The following CA12 variants were observed in gnomAD, a reference collection of about 807,000 sequenced individuals.
CA12 encodes the protein carbonic anhydrase 12.
In CA12, 36 loss-of-function variants were observed where a neutral mutation model predicts 46.8. That is an observed-to-expected ratio of 0.77 (90% confidence interval 0.59 to 1.02). The LOEUF is 1.02. Ranked by LOEUF, CA12 falls within the 50% of genes least tolerant of loss-of-function variation. The pLI is 0.00. For synonymous variants in CA12, 202 were observed against 187.0 expected, an observed-to-expected ratio of 1.08 and a Z score of -0.65; for missense variants, 436 against 451.4, an observed-to-expected ratio of 0.97 and a Z score of 0.31.
In CA12 at chr15:63,329,929, G is replaced by A. The variant is rs945826183; in HGVS notation, c.875-1799C>T. On this transcript the variant is annotated intron_variant, in intron 8 of 10. Coordinates refer to ENST00000178638, the MANE Select transcript of CA12 (RefSeq NM_001218.5). The surrounding 1 kb of genome is among the most constrained non-coding windows in gnomAD (Gnocchi z 4.8). ...TTTTCTGCAATCTCACATTGAACCT[G>A]CAGAGCCTCCCTGGTCCAAGGCTGG... Among the ~76,000 whole-genome samples, 7 of 152,326 alleles carry A rather than the reference G, an allele frequency of 4.6e-5. No homozygotes were observed. The highest frequency in any genetic ancestry group is 1.7e-4 in the African/African-American group (7 of 41,572).
chr15:63,358,358 C>G (rs1012979525), intron 2 of CA12, among the ~76,000 whole-genome samples: 28 of 152,206 alleles, frequency 1.8e-4, no homozygotes, highest in African/African-American at 6.8e-4. Flanking sequence ...TGATCATGAT[C>G]ATAAAGCCAT....
chr15:63,345,345 GC>G lies in CA12; in HGVS notation c.429+131del, dbSNP rs2039131767. The G allele has an allele frequency of 1.7e-6, 2 of 1,159,718 alleles. No individual in the cohort carries two copies. Among genetic ancestry groups the G allele is most frequent in the Admixed American group, 3.9e-5 (2 of 50,644 alleles). 71.8% of individuals were successfully genotyped at this position (1,159,718 alleles called of 1,614,324 possible). ...GAGTGGCTGCGCCCCTTGTGCCAGGGCCAGAGGTGGGGCAGAGAGCCTGAAG... is the reference window on the plus strand; with the variant it reads ...GAGTGGCTGCGCCCCTTGTGCCAGGGCAGAGGTGGGGCAGAGAGCCTGAAG... On this transcript the variant is annotated intron_variant, in intron 4 of 10. Transcript: ENST00000178638. The surrounding 1 kb of genome is among the most constrained non-coding windows in gnomAD (Gnocchi z 4.3).
chr15:63,377,541 C>G (rs2039593175), intron 1 of CA12, among the ~76,000 whole-genome samples: 1 of 151,886 alleles, frequency 6.6e-6, no homozygotes, highest in Admixed American at 6.6e-5. Context: ...ATTTCTTTGC[C>G]TCAGTGTTTG....
rs3913344 is a variant in CA12 at position 63,372,066 on chromosome 15, C to T, written c.106+3592G>A. 0.028 allele frequency among the ~76,000 whole-genome samples: 4,337 copies of T among 152,250 alleles called. 156 individuals are homozygous for T. Among genetic ancestry groups the T allele is most frequent in the South Asian group, 0.11 (518 of 4,810 alleles). On this transcript the variant is annotated intron_variant, in intron 2 of 10. Transcript: ENST00000178638. The surrounding 1 kb of genome is among the most constrained non-coding windows in gnomAD (Gnocchi z 4.5). ...GCAGCACCCACACCAAGGACCTGAA[C>T]GTGCCCACAACCCTTCCTGCCTCCT...
Position 63,339,054 on chromosome 15 carries a change from G to T in CA12, c.748-109C>A. ...CACCTGGGAGAAGCCTCTGGAACCA[G>T]CTTCTGTGGGGCCGGGTGGGAGATA... On this transcript the variant is annotated intron_variant, in intron 7 of 10. Transcript: ENST00000178638. The surrounding 1 kb of genome is among the most constrained non-coding windows in gnomAD (Gnocchi z 4.3). 1 of 1,363,750 alleles carries T rather than the reference G, an allele frequency of 7.3e-7. No homozygotes were observed. Among genetic ancestry groups the T allele is most frequent in the African/African-American group, 1.4e-5 (1 of 69,886 alleles). The allele number at this position is 1,363,750 out of a possible 1,614,324, so 84.5% of individuals were successfully genotyped here.
chr15:63,376,596 TTCTTTCTC>T (rs919196180), intron 1 of CA12, among the ~76,000 whole-genome samples: 2 of 125,566 alleles, frequency 1.6e-5, no homozygotes, highest in Non-Finnish European at 1.7e-5. Flanking sequence ...CTTTCTTTCT[TTCTTTCTC>T]TCTCTCTCGC....
intron 8 of CA12, among the ~76,000 whole-genome samples, chr15:63,335,939 C>T (rs2152613257): frequency 6.6e-6 from 1 of 152,298 alleles, no homozygotes; most frequent in African/African-American, 2.4e-5. Context: ...CTCATTGCTC[C>T]TTGGGAAGCA....
intron 8 of CA12, among the ~76,000 whole-genome samples, chr15:63,335,969 T>TTTCA (rs1270030067): frequency 2.0e-5 from 3 of 152,088 alleles, no homozygotes; most frequent in South Asian, 4.2e-4. Context: ...GCTGCCTGTG[T>TTTCA]CTTTGGGAAG....
chr15:63,352,054 T>TTGTTTC (rs1205972236), intron 2 of CA12, among the ~76,000 whole-genome samples: 1 of 152,094 alleles, frequency 6.6e-6, no homozygotes, highest in Non-Finnish European at 1.5e-5. Context: ...ATTTTGTTTT[T>TTGTTTC]TGTTTCTGTT....
chr15:63,340,215 T>C lies in CA12; in HGVS notation c.747+73A>G. The C allele has an allele frequency of 6.6e-7, 1 of 1,521,652 alleles. No homozygotes were observed. The highest frequency in any genetic ancestry group is 9.1e-7 in the Non-Finnish European group (1 of 1,097,972). The allele number at this position is 1,521,652 out of a possible 1,614,324, so 94.3% of individuals were successfully genotyped here. On this transcript the variant is annotated intron_variant, in intron 7 of 10. Coordinates refer to ENST00000178638, the MANE Select transcript of CA12 (RefSeq NM_001218.5). This position sits in a 1 kb window ranked among gnomAD's most constrained non-coding sequence, Gnocchi z 4.4. ...GAAACTAAATGAGGAAATCAAGTCATTGATTGTGATATGGAGGATGATGGG... is the reference window on the plus strand; with the variant it reads ...GAAACTAAATGAGGAAATCAAGTCACTGATTGTGATATGGAGGATGATGGG...
chr15:63,355,004 G>A lies in CA12; in HGVS notation c.107-8295C>T, dbSNP rs2152621160. Among the ~76,000 whole-genome samples, 2 of 152,320 alleles carry A rather than the reference G, an allele frequency of 1.3e-5. No individual in the cohort carries two copies. The highest frequency in any genetic ancestry group is 6.8e-3 in the Middle Eastern group (2 of 294). ...GATGAGGTTTATTACAGGGAGGCGG[G>A]TGGGGTTTCCAGGCTGCCAAAGGTA... is the stretch of plus-strand genomic sequence containing the variant. On this transcript the variant is annotated intron_variant, in intron 2 of 10. Transcript: ENST00000178638. The surrounding 1 kb of genome is among the most constrained non-coding windows in gnomAD (Gnocchi z 4.1).
chr15:63,376,567 T>TTTCTTTC (rs1567057001), intron 1 of CA12, among the ~76,000 whole-genome samples: 1 of 109,632 alleles, frequency 9.1e-6, no homozygotes, highest in Non-Finnish European at 1.9e-5. Context: ...CCTTTCTTTC[T>TTTCTTTC]TTCTTTCTTT....
chr15:63,346,706 G>A lies in CA12; in HGVS notation c.110C>T (p.Pro37Leu). ...CTTGGACCAGCTATTCTCCCCATCA[G>A]GACCTGGACACAGAGATCCATGCTC... Reference protein sequence around the residue: ...VNGSKWTYFGPDGENSWSKKY... With the variant: ...VNGSKWTYFGLDGENSWSKKY... Residue 37 changes from proline (P) to leucine (L), a missense_variant, in exon 3 of 11, where the codon CCT becomes CTT. Pro to Leu is a moderately conservative substitution (Grantham distance 98). Coordinates refer to ENST00000178638, the MANE Select transcript of CA12 (RefSeq NM_001218.5). The A allele has an allele frequency of 6.2e-7, 1 of 1,614,158 alleles. No individual in the cohort carries two copies. The highest frequency in any genetic ancestry group is 8.5e-7 in the Non-Finnish European group (1 of 1,180,016).
Position 63,355,855 on chromosome 15 carries a change from G to A in CA12, c.107-9146C>T, listed in dbSNP as rs932250629. 2.6e-5 allele frequency among the ~76,000 whole-genome samples: 4 copies of A among 152,090 alleles called. No individual in the cohort carries two copies. Among genetic ancestry groups the A allele is most frequent in the Admixed American group, 6.6e-5 (1 of 15,266 alleles). On this transcript the variant is annotated intron_variant, in intron 2 of 10. Transcript: ENST00000178638. The surrounding 1 kb of genome is among the most constrained non-coding windows in gnomAD (Gnocchi z 4.1). ...TTAAGTCCACAGCCCTGTAGCCACCGCCCTCGCAAGACATCCTGCTCTGTC... is the reference window on the plus strand; with the variant it reads ...TTAAGTCCACAGCCCTGTAGCCACCACCCTCGCAAGACATCCTGCTCTGTC...
intron 2 of CA12, among the ~76,000 whole-genome samples, chr15:63,360,641 AAAAC>A (rs1233404851): frequency 6.6e-6 from 1 of 152,148 alleles, no homozygotes; most frequent in Non-Finnish European, 1.5e-5. Context: ...CCTCATCCCT[AAAAC>A]ACTCACCACC....
rs541037219 is a variant in CA12 at position 63,373,616 on chromosome 15, C to A, written c.106+2042G>T. Among the ~76,000 whole-genome samples the A allele has an allele frequency of 6.6e-6, 1 of 152,142 alleles. No individual in the cohort carries two copies. Among genetic ancestry groups the A allele is most frequent in the Non-Finnish European group, 1.5e-5 (1 of 68,030 alleles). ...GCAGCTAAGAATCACTTGGGGAGTG[C>A]GTTAAGAATACAGGTTTTTCAGGCT... On this transcript the variant is annotated intron_variant, in intron 2 of 10. Coordinates refer to ENST00000178638, the MANE Select transcript of CA12 (RefSeq NM_001218.5). This position sits in a 1 kb window ranked among gnomAD's most constrained non-coding sequence, Gnocchi z 4.9.
chr15:63,341,945 A>G lies in CA12; in HGVS notation c.525+57T>C. 8.2e-7 allele frequency: 1 copy of G among 1,226,300 alleles called. No homozygotes were observed. The highest frequency in any genetic ancestry group is 1.2e-5 in the South Asian group (1 of 81,390). The allele number at this position is 1,226,300 out of a possible 1,614,324, so 76.0% of individuals were successfully genotyped here. ...AGGTATGCATGGAACAAAAGGTGGAATCCCAATCTCATCCCTGCTTCAAAT... is the reference window on the plus strand; with the variant it reads ...AGGTATGCATGGAACAAAAGGTGGAGTCCCAATCTCATCCCTGCTTCAAAT... On this transcript the variant is annotated intron_variant, in intron 5 of 10. Coordinates refer to ENST00000178638, the MANE Select transcript of CA12 (RefSeq NM_001218.5). This position sits in a 1 kb window ranked among gnomAD's most constrained non-coding sequence, Gnocchi z 5.2.
At chr15:63,337,906 C>T (rs141722576) in intron 8 of CA12, among the ~76,000 whole-genome samples, 2 of 152,160 alleles carry the variant, frequency 1.3e-5, no homozygotes, top group African/African-American at 2.4e-5. Context: ...TTGGTCCACA[C>T]GTGATGCTGG....
intron 8 of CA12, among the ~76,000 whole-genome samples, chr15:63,332,346 C>A (rs967979177): frequency 6.6e-6 from 1 of 152,192 alleles, no homozygotes; most frequent in African/African-American, 2.4e-5. Context: ...AATCTGCCAA[C>A]AAGATAGTAC....
Sources: gnomAD v4.1 joint callset for allele counts (sites outside exome capture counted in the v4.1 genomes callset) on GRCh38, gnomAD v4.1.1 for gene constraint, Gnocchi (gnomAD v3.1) non-coding constraint, MANE v1.5 for transcripts, NCBI Gene and HGNC (gene_info 2026-07-23, HGNC 2026-07-21) for gene names.